Variants in MYO18B observed in about 807,000 individuals in gnomAD.
MYO18B encodes the protein unconventional myosin-XVIIIb.
A neutral mutation model predicts 273.0 loss-of-function variants in MYO18B; 204 were observed. That is an observed-to-expected ratio of 0.75 (90% CI 0.67 to 0.84). The LOEUF (loss-of-function observed/expected upper bound fraction) is 0.84. MYO18B is among the 40% of genes least tolerant of loss of function. The probability of loss-of-function intolerance (pLI) is 0.00; values close to 1 mark genes in which losing one functional copy is unlikely to be tolerated. For missense variants in MYO18B, 3,212 were observed against 3,287.6 expected, an observed-to-expected ratio of 0.98 and a Z score of 0.56; for synonymous variants, 1,330 against 1,305.7, an observed-to-expected ratio of 1.02 and a Z score of -0.40.
At chr22:25,851,980 A>G (rs185676307) in intron 21 of MYO18B, among the ~76,000 whole-genome samples, 1 of 152,334 alleles carries the variant, frequency 6.6e-6, no homozygotes, top group Non-Finnish European at 1.5e-5. Context: ...TAGGAAAAGA[A>G]TAAGAATAGA....
At chr22:25,853,016 G>A (rs1032368061) in intron 21 of MYO18B, among the ~76,000 whole-genome samples, 7 of 152,218 alleles carry the variant, frequency 4.6e-5, no homozygotes, top group African/African-American at 1.4e-4. Context: ...AGATGAAAGA[G>A]TACTCCATGA....
chr22:25,995,148 A>T (rs1933094001), intron 40 of MYO18B, among the ~76,000 whole-genome samples: 1 of 152,236 alleles, frequency 6.6e-6, no homozygotes, highest in Non-Finnish European at 1.5e-5. Flanking sequence ...ATGTGAATGG[A>T]ACTGGAAGTC....
intron 42 of MYO18B, among the ~76,000 whole-genome samples, chr22:26,015,213 C>T (rs925062144): frequency 1.3e-5 from 2 of 152,068 alleles, no homozygotes; most frequent in Non-Finnish European, 2.9e-5. Context: ...GTATTTAATC[C>T]ATCTTGACTA....
At chr22:25,943,813 G>A (rs539186276) in intron 34 of MYO18B, among the ~76,000 whole-genome samples, 5 of 149,746 alleles carry the variant, frequency 3.3e-5, no homozygotes, top group East Asian at 2.0e-4. Flanking sequence ...TCTGCCTCCC[G>A]GGTTCAAGCA....
At chr22:26,043,653 G>A in the MYO18B span, among the ~76,000 whole-genome samples, 1 of 151,732 alleles carries the variant, frequency 6.6e-6, no homozygotes, top group African/African-American at 2.4e-5. Flanking sequence ...TGGGATTACA[G>A]GCGTGCGCCA....
At chr22:25,780,243 G>GT (rs780520894) in intron 9 of MYO18B, 45 bp downstream of exon 9, 3 of 1,569,536 alleles carry the variant, frequency 1.9e-6, no homozygotes, top group Admixed American at 3.7e-5. Context: ...TGGGGCTGCT[G>GT]TGTCTCTAAC....
rs776210318 is a variant in MYO18B at position 25,769,146 on chromosome 22, TCAGA to T, written c.1235_1238del (p.Thr412ArgfsTer10). The T allele has an allele frequency of 1.9e-6, 3 of 1,612,732 alleles. No individual in the cohort carries two copies. The highest frequency in any genetic ancestry group is 1.7e-5 in the Admixed American group (1 of 59,890). On this transcript the variant is annotated frameshift_variant, in exon 4 of 44. Transcript: ENST00000335473. LOFTEE classifies it high-confidence loss of function. ...CCGGGAACGCAGGTGAAGCTCGGAGTCAGACAGAGAAGGGCTGTGAAGCCCCAAA... is the reference window on the plus strand; with the variant it reads ...CCGGGAACGCAGGTGAAGCTCGGAGTCAGAGAAGGGCTGTGAAGCCCCAAA...
At chr22:25,859,266 TCTAAA>T (rs1351601264) in intron 21 of MYO18B, among the ~76,000 whole-genome samples, 6 of 152,218 alleles carry the variant, frequency 3.9e-5, no homozygotes, top group African/African-American at 1.4e-4. Context: ...ACTGATCATC[TCTAAA>T]CTACATTTGG....
At chr22:25,843,658 T>A in intron 17 of MYO18B, 77 bp from the exon 18 acceptor site, 3 of 1,465,472 alleles carry the variant, frequency 2.0e-6, no homozygotes, top group Non-Finnish European at 2.8e-6. Context: ...ATGGATACTG[T>A]GCGTTTAAGG....
At chr22:25,810,482 G>A (rs2088698488) in intron 12 of MYO18B, among the ~76,000 whole-genome samples, 1 of 145,296 alleles carries the variant, frequency 6.9e-6, no homozygotes, top group Non-Finnish European at 1.5e-5. Context: ...CACCCAGGGT[G>A]GAGTGCAGTG....
At position 25,988,776 on chromosome 22, in the gene MYO18B, T is replaced by G. The variant is rs149293376; in HGVS notation, c.6157-3587T>G. 3.6e-3 allele frequency among the ~76,000 whole-genome samples: 554 copies of G among 152,236 alleles called. 5 individuals carry two copies. Among genetic ancestry groups the G allele is most frequent in the South Asian group, 5.4e-3 (26 of 4,820 alleles). ...CAAGTTTCCACTCTGCCAAGCTCAT[T>G]TACTCCTCGCAAAAGCCCTGTGAGG... On this transcript the variant is annotated intron_variant, in intron 39 of 43. Coordinates refer to ENST00000335473, the MANE Select transcript of MYO18B (RefSeq NM_032608.7).
Position 25,770,082 on chromosome 22 carries a change from G to A in MYO18B, c.1513-28G>A, listed in dbSNP as rs374278869. 4 of 1,612,956 alleles carry A rather than the reference G, an allele frequency of 2.5e-6. No homozygotes were observed. In the African/African-American group the frequency reaches 5.3e-5, roughly 22 times the overall value. On this transcript the variant is annotated intron_variant, in intron 4 of 43. Coordinates refer to ENST00000335473, the MANE Select transcript of MYO18B (RefSeq NM_032608.7). ...AGATGGGCAGCGGTGCCATTTGCTG[G>A]TTTAATTTACGTGATGTTGGTTCTC...
rs149701905 is a variant in MYO18B at position 25,762,521 on chromosome 22, C to T, written c.40-710C>T. On this transcript the variant is annotated intron_variant, in intron 2 of 43. Coordinates refer to ENST00000335473, the MANE Select transcript of MYO18B (RefSeq NM_032608.7). ...GCCTCCAAGTCGCTGTAGCCAACAG[C>T]GGGGTCTCAGCTGCACCACAAGTCC... Among the ~76,000 whole-genome samples, 80 of 152,382 alleles carry T rather than the reference C, an allele frequency of 5.2e-4. No individual in the cohort carries two copies. In the East Asian group the frequency reaches 0.013, roughly 24 times the overall value.
intron 1 of MYO18B, among the ~76,000 whole-genome samples, chr22:25,751,489 G>A (rs2085929376): frequency 6.6e-6 from 1 of 152,194 alleles, no homozygotes. Context: ...GGCTTGGCCT[G>A]GCACCCACAG....
chr22:25,775,693 C>T (rs555791029), intron 7 of MYO18B, among the ~76,000 whole-genome samples: 27 of 152,228 alleles, frequency 1.8e-4, no homozygotes, highest in African/African-American at 3.4e-4. Flanking sequence ...GCCCACTGGC[C>T]GCCCAGTCAG....
intron 36 of MYO18B, 79 bp from the exon 37 acceptor site, chr22:25,950,288 G>A: frequency 8.0e-7 from 1 of 1,242,302 alleles, no homozygotes. Flanking sequence ...GGGGAAAGTA[G>A]GGATTTTCAG....
intron 34 of MYO18B, among the ~76,000 whole-genome samples, chr22:25,927,973 T>C (rs939519681): frequency 3.3e-5 from 5 of 152,094 alleles, no homozygotes; most frequent in African/African-American, 1.2e-4. Flanking sequence ...TCTTTAAAGA[T>C]GGAAATGAAT....
At chr22:25,972,902 G>C (rs777113903) in intron 39 of MYO18B, among the ~76,000 whole-genome samples, 2 of 150,074 alleles carry the variant, frequency 1.3e-5, no homozygotes, top group Non-Finnish European at 1.5e-5. Flanking sequence ...GTTGCAGTGA[G>C]CCAAGATCGT....
At chr22:25,745,731 G>A (rs994238035) in intron 1 of MYO18B, among the ~76,000 whole-genome samples, 2 of 152,202 alleles carry the variant, frequency 1.3e-5, no homozygotes, top group Non-Finnish European at 1.5e-5. Context: ...CAGTGCTCAT[G>A]TGTAGGGTAG....
Sources: gnomAD v4.1 joint callset for allele counts (sites outside exome capture counted in the v4.1 genomes callset) on GRCh38, gnomAD v4.1.1 for gene constraint, MANE v1.5 for transcripts, NCBI Gene and HGNC (gene_info 2026-07-23, HGNC 2026-07-21) for gene names.